Variants in NFKB1 observed in about 807,000 individuals in gnomAD.
NFKB1 encodes nuclear factor NF-kappa-B p105 subunit.
A neutral mutation model predicts 105.1 loss-of-function variants in NFKB1; 9 were observed. The ratio of observed to expected loss-of-function variants is 0.09; its 90% confidence interval spans 0.05 to 0.15. The LOEUF is 0.15. NFKB1 is among the 10% of genes least tolerant of loss of function. NFKB1 has a pLI of 1.00. For missense variants in NFKB1, 830 were observed against 1,203.7 expected, an observed-to-expected ratio of 0.69 and a Z score of 4.59; for synonymous variants, 440 against 442.2, an observed-to-expected ratio of 1.00 and a Z score of 0.06.
intron 5 of NFKB1, among the ~76,000 whole-genome samples, chr4:102,565,140 G>GT (rs3836562): frequency 4.7e-4 from 70 of 149,148 alleles, no homozygotes; most frequent in South Asian, 1.5e-3. Context: ...TATACCCAGA[G>GT]TTTTTTTTTT....
At chr4:102,530,164 C>T (rs1458622771) in intron 3 of NFKB1, among the ~76,000 whole-genome samples, 1 of 152,142 alleles carries the variant, frequency 6.6e-6, no homozygotes, top group Non-Finnish European at 1.5e-5. Context: ...TTTCTTTAGT[C>T]AACATAAGGA....
intron 5 of NFKB1, among the ~76,000 whole-genome samples, chr4:102,543,227 AG>A (rs1721863449): frequency 6.6e-6 from 1 of 152,148 alleles, no homozygotes; most frequent in African/African-American, 2.4e-5. Context: ...CAAGAGAAGC[AG>A]CCCCATGGGA....
intron 12 of NFKB1, among the ~76,000 whole-genome samples, chr4:102,594,146 T>C (rs1334509537): frequency 4.6e-5 from 7 of 152,220 alleles, no homozygotes; most frequent in Admixed American, 1.3e-4. Flanking sequence ...TATAGAGTCA[T>C]AGGTGCAACG....
intron 6 of NFKB1, among the ~76,000 whole-genome samples, chr4:102,569,581 A>G (rs1578774422): frequency 6.6e-6 from 1 of 152,158 alleles, no homozygotes; most frequent in East Asian, 1.9e-4. Flanking sequence ...TTTCAATAAT[A>G]CAGATTAGGC....
intron 5 of NFKB1, among the ~76,000 whole-genome samples, chr4:102,546,258 C>T (rs1475492927): frequency 6.6e-6 from 1 of 151,978 alleles, no homozygotes; most frequent in Non-Finnish European, 1.5e-5. Context: ...ACACCTGACT[C>T]CACCTTGAGT....
intron 19 of NFKB1, among the ~76,000 whole-genome samples, chr4:102,610,025 A>G (rs554431552): frequency 6.6e-6 from 1 of 152,362 alleles, no homozygotes; most frequent in Non-Finnish European, 1.5e-5. Context: ...TTCCCAAAAT[A>G]TTTCAATAAT....
chr4:102,573,158 AT>A (rs1724525221), intron 6 of NFKB1, among the ~76,000 whole-genome samples: 1 of 152,110 alleles, frequency 6.6e-6, no homozygotes, highest in South Asian at 2.1e-4. Context: ...AAAATACAAA[AT>A]TAGCCAGGCA....
At chr4:102,550,044 G>GT (rs1018735566) in intron 5 of NFKB1, among the ~76,000 whole-genome samples, 7 of 151,118 alleles carry the variant, frequency 4.6e-5, no homozygotes, top group African/African-American at 1.2e-4. Flanking sequence ...ACTTTTCCTG[G>GT]TTTTTTTAAA....
intron 11 of NFKB1, among the ~76,000 whole-genome samples, chr4:102,591,914 A>G (rs1726213685): frequency 6.6e-6 from 1 of 152,232 alleles, no homozygotes; most frequent in Non-Finnish European, 1.5e-5. Flanking sequence ...ATTTACCATT[A>G]ACCACATTTG....
rs535639471 is a variant in NFKB1 at position 102,544,630 on chromosome 4, A to G, written c.258+6674A>G. ...AGACTTATAGGTAATTTTTGTTGCAAGTAGTTCAGAAGTTTTGTATTTTGT... is the reference window on the plus strand; with the variant it reads ...AGACTTATAGGTAATTTTTGTTGCAGGTAGTTCAGAAGTTTTGTATTTTGT... On this transcript the variant is annotated intron_variant, in intron 5 of 23. Transcript: ENST00000226574. Among the ~76,000 whole-genome samples the G allele has an allele frequency of 6.6e-5, 10 of 152,288 alleles. No homozygotes were observed. The South Asian group carries it at 1.0e-3, about 16-fold the overall frequency.
At chr4:102,511,595 G>A in intron 1 of NFKB1, among the ~76,000 whole-genome samples, 1 of 152,142 alleles carries the variant, frequency 6.6e-6, no homozygotes, top group East Asian at 1.9e-4. Flanking sequence ...AGGTTCACTT[G>A]AGCCTGGGAG....
Position 102,607,301 on chromosome 4 carries a change from A to G in NFKB1, c.2106A>G (p.Ala702=). Residue 702 remains alanine (A), a synonymous_variant, in exon 18 of 24, where the codon GCA becomes GCG. Transcript: ENST00000226574. ...LAVEHDNISL[A]GCLLLEGDAH... is the part of the protein sequence containing the mutation. ...TGGAGCACGACAACATCTCATTGGC[A>G]GGCTGCCTGCTCCTGGAGGTGAAGG... The G allele has an allele frequency of 6.2e-7, 1 of 1,612,652 alleles. No individual in the cohort carries two copies. Among genetic ancestry groups the G allele is most frequent in the Non-Finnish European group, 8.5e-7 (1 of 1,178,704 alleles).
chr4:102,606,737 CCTTCT>C (rs1268332869), intron 17 of NFKB1, 40 bp downstream of exon 17: 3 of 1,573,558 alleles, frequency 1.9e-6, no homozygotes, highest in Non-Finnish European at 2.6e-6. Context: ...ACTTTCTCCA[CCTTCT>C]AAATATCTAC....
At chr4:102,552,356 G>C (rs1157537010) in intron 5 of NFKB1, among the ~76,000 whole-genome samples, 1 of 152,122 alleles carries the variant, frequency 6.6e-6, no homozygotes, top group Non-Finnish European at 1.5e-5. Context: ...GAAATAAGGA[G>C]CGGTGAATGG....
chr4:102,551,363 T>C (rs1211065240), intron 5 of NFKB1, among the ~76,000 whole-genome samples: 12 of 68,382 alleles, frequency 1.8e-4, no homozygotes, highest in Admixed American at 4.5e-4. Context: ...TGTGTGTGTG[T>C]GTGTGCGCGC....
intron 3 of NFKB1, among the ~76,000 whole-genome samples, 159 bp downstream of exon 3, chr4:102,530,073 A>G (rs1265519398): frequency 6.6e-6 from 1 of 152,164 alleles, no homozygotes; most frequent in African/African-American, 2.4e-5. Flanking sequence ...CTTGAAATAT[A>G]TTTGCACAAA....
intron 1 of NFKB1, among the ~76,000 whole-genome samples, chr4:102,517,340 C>CA (rs1394501543): frequency 6.6e-6 from 1 of 152,126 alleles, no homozygotes; most frequent in Non-Finnish European, 1.5e-5. Context: ...TGTATGGTTT[C>CA]ACAGTTGAGT....
chr4:102,604,428 T>C (rs143897053), intron 16 of NFKB1, among the ~76,000 whole-genome samples: 11 of 152,248 alleles, frequency 7.2e-5, no homozygotes, highest in African/African-American at 2.6e-4. Flanking sequence ...CTCAGAACAG[T>C]GTCAAAACCT....
intron 19 of NFKB1, among the ~76,000 whole-genome samples, chr4:102,610,189 A>G (rs1728261922): frequency 6.6e-6 from 1 of 152,202 alleles, no homozygotes; most frequent in African/African-American, 2.4e-5. Flanking sequence ...TGTCATGCAT[A>G]AATTTGAACA....
Sources: allele counts gnomAD v4.1 joint callset (sites outside exome capture counted in the v4.1 genomes callset), GRCh38; gene constraint gnomAD v4.1.1; transcripts MANE v1.5; gene names NCBI Gene and HGNC (gene_info 2026-07-23, HGNC 2026-07-21).